LRRTM4: variants seen among roughly 807,000 people sequenced by gnomAD.
The protein encoded by LRRTM4 is leucine rich repeat transmembrane neuronal 4, also known as leucine-rich repeat transmembrane neuronal protein 4.
Under a neutral mutation model 47.6 loss-of-function variants are expected in LRRTM4, and 25 were observed. The observed-to-expected ratio is 0.53, with a 90% CI of 0.38 to 0.73. LRRTM4 has a LOEUF of 0.73. Ranked by LOEUF, LRRTM4 falls within the 30% of genes least tolerant of loss-of-function variation. The pLI, the probability that LRRTM4 is intolerant of heterozygous loss-of-function variation, is 0.00. For missense variants in LRRTM4, 638 were observed against 713.4 expected, an observed-to-expected ratio of 0.89 and a Z score of 1.20; for synonymous variants, 311 against 269.5, an observed-to-expected ratio of 1.15 and a Z score of -1.51.
At chr2:76,945,304 T>C (rs1424031412) in intron 3 of LRRTM4, among the ~76,000 whole-genome samples, 1 of 152,048 alleles carries the variant, frequency 6.6e-6, no homozygotes, top group African/African-American at 2.4e-5. Context: ...GAGCATAGGA[T>C]TTGCTTCAAT....
At chr2:77,070,966 T>G (rs1439951975) in intron 3 of LRRTM4, among the ~76,000 whole-genome samples, 2 of 152,138 alleles carry the variant, frequency 1.3e-5, no homozygotes, top group African/African-American at 4.8e-5. Flanking sequence ...GGCTGTTTCT[T>G]TCAGAATATT....
intron 3 of LRRTM4, among the ~76,000 whole-genome samples, chr2:76,869,431 A>T (rs1672561067): frequency 6.6e-6 from 1 of 152,158 alleles, no homozygotes; most frequent in Non-Finnish European, 1.5e-5. Flanking sequence ...TATTTCTTCC[A>T]TTAGGCTTGT....
At chr2:76,887,457 T>A (rs998099195) in intron 3 of LRRTM4, among the ~76,000 whole-genome samples, 5 of 151,156 alleles carry the variant, frequency 3.3e-5, no homozygotes, top group African/African-American at 1.2e-4. Flanking sequence ...AGCAATAGAT[T>A]GACAAAACTT....
At chr2:77,501,100 C>T (rs992964131) in intron 3 of LRRTM4, among the ~76,000 whole-genome samples, 2 of 150,630 alleles carry the variant, frequency 1.3e-5, no homozygotes, top group Non-Finnish European at 3.0e-5. Flanking sequence ...TGGGAAAGAA[C>T]CACACTTACC....
intron 3 of LRRTM4, among the ~76,000 whole-genome samples, chr2:77,358,452 C>G (rs1231003156): frequency 6.6e-6 from 1 of 152,162 alleles, no homozygotes; most frequent in Non-Finnish European, 1.5e-5. Context: ...TGGCACCAAG[C>G]CACTCATAAG....
intron 3 of LRRTM4, among the ~76,000 whole-genome samples, chr2:76,966,405 T>G (rs1241027835): frequency 2.6e-5 from 4 of 151,450 alleles, no homozygotes; most frequent in African/African-American, 9.7e-5. Flanking sequence ...GTCTGTTGTG[T>G]GTTTTTGCTC....
At chr2:76,846,147 C>T (rs1425209058) in intron 3 of LRRTM4, among the ~76,000 whole-genome samples, 1 of 151,970 alleles carries the variant, frequency 6.6e-6, no homozygotes, top group Non-Finnish European at 1.5e-5. Flanking sequence ...GCTTGCTATT[C>T]CTATGGGATC....
At chr2:77,446,999 G>A (rs781143594) in intron 3 of LRRTM4, among the ~76,000 whole-genome samples, 24 of 76,996 alleles carry the variant, frequency 3.1e-4, no homozygotes, top group Non-Finnish European at 5.7e-4. Context: ...CAAAATAAAG[G>A]TGGAGGCAGT....
At chr2:77,467,870 A>T (rs1440451841) in intron 3 of LRRTM4, among the ~76,000 whole-genome samples, 1 of 152,036 alleles carries the variant, frequency 6.6e-6, no homozygotes, top group African/African-American at 2.4e-5. Context: ...AACACTGAAA[A>T]AAATATTTTT....
At chr2:76,951,773 CCTCCCCTTG>C (rs1205249189) in intron 3 of LRRTM4, among the ~76,000 whole-genome samples, 2 of 151,772 alleles carry the variant, frequency 1.3e-5, no homozygotes, top group Non-Finnish European at 2.9e-5. Flanking sequence ...TAATGCTCTC[CCTCCCCTTG>C]CTCCCCTCCC....
intron 3 of LRRTM4, among the ~76,000 whole-genome samples, chr2:77,249,813 T>A (rs1675554147): frequency 6.6e-6 from 1 of 152,228 alleles, no homozygotes; most frequent in East Asian, 1.9e-4. Context: ...GCAGTCATGC[T>A]CTTTTGTATT....
chr2:76,994,700 T>C (rs1677137957), intron 3 of LRRTM4, among the ~76,000 whole-genome samples: 1 of 152,014 alleles, frequency 6.6e-6, no homozygotes. Context: ...AGATGAGTAA[T>C]TTGTGATTGA....
At chr2:77,374,129 C>CTTG (rs1292257239) in intron 3 of LRRTM4, among the ~76,000 whole-genome samples, 4 of 151,614 alleles carry the variant, frequency 2.6e-5, no homozygotes, top group Non-Finnish European at 5.9e-5. Context: ...TTTCAGGAAG[C>CTTG]TTGGCACAGT....
At chr2:77,268,640 G>A (rs146526470) in intron 3 of LRRTM4, among the ~76,000 whole-genome samples, 1 of 151,996 alleles carries the variant, frequency 6.6e-6, no homozygotes, top group Non-Finnish European at 1.5e-5. Flanking sequence ...TATCCCAGTT[G>A]CTCTTTTTAA....
intron 3 of LRRTM4, among the ~76,000 whole-genome samples, chr2:76,851,228 C>A (rs2103972096): frequency 6.6e-6 from 1 of 152,284 alleles, no homozygotes; most frequent in Middle Eastern, 3.4e-3. Flanking sequence ...AGGCTCACAG[C>A]ATCTTTTGTC....
chr2:76,844,168 G>A (rs1364503398), intron 3 of LRRTM4, among the ~76,000 whole-genome samples: 3 of 145,826 alleles, frequency 2.1e-5, no homozygotes, highest in Non-Finnish European at 4.5e-5. Flanking sequence ...AGACTCTCAC[G>A]CTGTCGTCCA....
At chr2:77,310,110 T>C (rs995686875) in intron 3 of LRRTM4, among the ~76,000 whole-genome samples, 24 of 152,126 alleles carry the variant, frequency 1.6e-4, no homozygotes, top group Non-Finnish European at 2.9e-5. Context: ...TCTCATGAGT[T>C]AGTACTAAGT....
intron 3 of LRRTM4, among the ~76,000 whole-genome samples, chr2:76,909,288 C>G (rs1012139101): frequency 3.9e-5 from 6 of 152,144 alleles, no homozygotes; most frequent in Non-Finnish European, 7.4e-5. Flanking sequence ...ACTGGCTAGC[C>G]ATATGTAGAA....
At chr2:76,865,877 T>C (rs943199721) in intron 3 of LRRTM4, among the ~76,000 whole-genome samples, 22 of 152,184 alleles carry the variant, frequency 1.4e-4, no homozygotes, top group Admixed American at 2.6e-4. Context: ...AGCACACTTA[T>C]CTCTAGACCT....
Sources: gnomAD v4.1 joint callset for allele counts (sites outside exome capture counted in the v4.1 genomes callset) on GRCh38, gnomAD v4.1.1 for gene constraint, MANE v1.5 for transcripts, NCBI Gene and HGNC (gene_info 2026-07-23, HGNC 2026-07-21) for gene names.